ADARB2: variants seen among roughly 807,000 people sequenced by gnomAD.
ADARB2 encodes adenosine deaminase RNA specific B2 (inactive).
Under a neutral mutation model 62.2 loss-of-function variants are expected in ADARB2, and 25 were observed. The ratio of observed to expected loss-of-function variants is 0.40; its 90% CI spans 0.29 to 0.56. The LOEUF is 0.56. Ranked by LOEUF, ADARB2 falls within the 20% of genes least tolerant of loss-of-function variation. The pLI is 0.43. For missense variants in ADARB2, 1,071 were observed against 1,077.4 expected, an observed-to-expected ratio of 0.99 and a Z score of 0.08; for synonymous variants, 572 against 500.8, an observed-to-expected ratio of 1.14 and a Z score of -1.90.
chr10:1,462,792 C>G (rs11250535), intron 1 of ADARB2, among the ~76,000 whole-genome samples: 38,096 of 150,878 alleles, frequency 0.25, 5,892 homozygotes, highest in Middle Eastern at 0.45. Flanking sequence ...CACGTGTGTG[C>G]ATGTGTATGT....
At chr10:1,583,817 C>A (rs1416673140) in intron 1 of ADARB2, among the ~76,000 whole-genome samples, 1 of 152,108 alleles carries the variant, frequency 6.6e-6, no homozygotes, top group Non-Finnish European at 1.5e-5. Context: ...AAAGAAAGGA[C>A]AAATAGATCA....
chr10:1,294,346 T>C (rs1831504510), intron 3 of ADARB2, among the ~76,000 whole-genome samples: 1 of 152,160 alleles, frequency 6.6e-6, no homozygotes, highest in Non-Finnish European at 1.5e-5. Flanking sequence ...AGACTTGTGA[T>C]GCCTGGGACC....
chr10:1,688,583 C>T (rs946241079), intron 1 of ADARB2, among the ~76,000 whole-genome samples: 3 of 152,212 alleles, frequency 2.0e-5, no homozygotes, highest in East Asian at 1.9e-4. Flanking sequence ...AGCAGCCCAG[C>T]GGGGTCCCTC....
chr10:1,268,358 A>C (rs767075691), intron 4 of ADARB2, among the ~76,000 whole-genome samples: 10 of 152,132 alleles, frequency 6.6e-5, no homozygotes, highest in Non-Finnish European at 1.3e-4. Context: ...ATAAAAATAA[A>C]AACTTCTGTT....
chr10:1,698,059 A>G (rs989290838), intron 1 of ADARB2, among the ~76,000 whole-genome samples: 9 of 152,332 alleles, frequency 5.9e-5, no homozygotes, highest in African/African-American at 1.9e-4. Context: ...TCCAATGGTT[A>G]CATATTAATA....
At chr10:1,424,585 G>C (rs1407065962) in intron 1 of ADARB2, among the ~76,000 whole-genome samples, 1 of 151,996 alleles carries the variant, frequency 6.6e-6, no homozygotes, top group Non-Finnish European at 1.5e-5. Flanking sequence ...CCCTAAAGTG[G>C]TCATTTAGTG....
chr10:1,343,973 C>G (rs1832055599), intron 3 of ADARB2, among the ~76,000 whole-genome samples: 1 of 152,192 alleles, frequency 6.6e-6, no homozygotes, highest in Non-Finnish European at 1.5e-5. Context: ...ACCCCCACAA[C>G]ACACAATTTA....
intron 1 of ADARB2, among the ~76,000 whole-genome samples, chr10:1,418,231 G>A (rs1445783896): frequency 6.6e-6 from 1 of 152,206 alleles, no homozygotes; most frequent in Non-Finnish European, 1.5e-5. Flanking sequence ...TCCTGGTGTG[G>A]GGAAGTGTCT....
At chr10:1,339,792 GTGA>G (rs1451544664) in intron 3 of ADARB2, among the ~76,000 whole-genome samples, 3 of 152,188 alleles carry the variant, frequency 2.0e-5, no homozygotes, top group African/African-American at 7.2e-5. Flanking sequence ...CAGCCCACCC[GTGA>G]CCAAGTGCAG....
At chr10:1,347,947 T>C (rs986796042) in intron 3 of ADARB2, among the ~76,000 whole-genome samples, 2 of 146,262 alleles carry the variant, frequency 1.4e-5, no homozygotes, top group African/African-American at 2.5e-5. Flanking sequence ...TAGAGAGAGA[T>C]AGGGGTGGAG....
chr10:1,476,826 G>A (rs1383894839), intron 1 of ADARB2, among the ~76,000 whole-genome samples: 2 of 152,164 alleles, frequency 1.3e-5, no homozygotes, highest in African/African-American at 4.8e-5. Flanking sequence ...GGTTGCAGGT[G>A]CCACGGCCCT....
chr10:1,455,449 A>G (rs1427071616), intron 1 of ADARB2, among the ~76,000 whole-genome samples: 1 of 152,224 alleles, frequency 6.6e-6, no homozygotes, highest in Non-Finnish European at 1.5e-5. Flanking sequence ...AGCTAGATCT[A>G]AATGAACAAA....
At chr10:1,246,104 TTTCATGTGTC>T (rs1220449255) in intron 4 of ADARB2, among the ~76,000 whole-genome samples, 1 of 152,068 alleles carries the variant, frequency 6.6e-6, no homozygotes, top group Non-Finnish European at 1.5e-5. Flanking sequence ...ATGAGCATTT[TTTCATGTGTC>T]TTTTGGCTGC....
chr10:1,525,839 A>C (rs1832133512), intron 1 of ADARB2, among the ~76,000 whole-genome samples: 1 of 151,714 alleles, frequency 6.6e-6, no homozygotes, highest in Admixed American at 6.6e-5. Flanking sequence ...GTGTATGTTC[A>C]TGTGCTTGTG....
rs533200196 is a variant in ADARB2 at position 1,266,884 on chromosome 10, G to A, written c.1192+4071C>T. Among the ~76,000 whole-genome samples the A allele has an allele frequency of 5.3e-5, 8 of 152,190 alleles. No individual in the cohort carries two copies. In the South Asian group the frequency reaches 1.5e-3, roughly 28 times the overall value. ...AAGATTTAAATAATGAAAATAGGTTGCAAAAATTAGGAGGGAAAGGCAGTT... is the reference window on the plus strand; with the variant it reads ...AAGATTTAAATAATGAAAATAGGTTACAAAAATTAGGAGGGAAAGGCAGTT... On this transcript the variant is annotated intron_variant, in intron 4 of 9. Transcript: ENST00000381312.
Position 1,363,904 on chromosome 10 carries a change from C to G in ADARB2, c.201G>C (p.Ala67=). 1 of 1,473,320 alleles carries G rather than the reference C, an allele frequency of 6.8e-7. No individual in the cohort carries two copies. Among genetic ancestry groups the G allele is most frequent in the Non-Finnish European group, 8.9e-7 (1 of 1,123,724 alleles). 91.3% of individuals were successfully genotyped at this position (1,473,320 alleles called of 1,614,324 possible). A position where few individuals can be genotyped will look rare whatever the true frequency, so the allele number is the denominator to read the frequency against. ...CCACGTTGCGGTTCTCCTTCACCTCCGCGCTGCTGGTACCTGGAGGGGAGA... is the reference window on the plus strand; with the variant it reads ...CCACGTTGCGGTTCTCCTTCACCTCGGCGCTGCTGGTACCTGGAGGGGAGA... ...EDDDTLSTSS[A]EVKENRNVGN... The change falls in exon 3 of 10, where the codon GCG becomes GCC. Residue 67 remains alanine, a synonymous_variant. Coordinates refer to ENST00000381312, the MANE Select transcript of ADARB2 (RefSeq NM_018702.4).
intron 1 of ADARB2, among the ~76,000 whole-genome samples, chr10:1,647,746 ATG>A (rs1834062960): frequency 6.6e-6 from 1 of 151,504 alleles, no homozygotes; most frequent in African/African-American, 2.4e-5. Context: ...GTATATATGT[ATG>A]TGTGTATATG....
chr10:1,605,075 A>G (rs577101141), intron 1 of ADARB2, among the ~76,000 whole-genome samples: 8 of 152,236 alleles, frequency 5.3e-5, no homozygotes, highest in Non-Finnish European at 7.3e-5. Context: ...AGTATATTCA[A>G]TTTTTCGTAG....
chr10:1,544,205 G>A (rs753217165), intron 1 of ADARB2, among the ~76,000 whole-genome samples: 2 of 152,156 alleles, frequency 1.3e-5, no homozygotes, highest in Non-Finnish European at 2.9e-5. Context: ...GGGTCTGGGA[G>A]GGCAGTGGGA....
Sources: gnomAD v4.1 joint callset for allele counts (sites outside exome capture counted in the v4.1 genomes callset) on GRCh38, gnomAD v4.1.1 for gene constraint, MANE v1.5 for transcripts, NCBI Gene and HGNC (gene_info 2026-07-23, HGNC 2026-07-21) for gene names.